The following PCDHGA2 variants were observed in gnomAD, a reference collection of about 807,000 sequenced individuals.
PCDHGA2 encodes the protein protocadherin gamma-A2.
PCDHGA2 carries 40 observed loss-of-function variants against 59.2 expected under a neutral mutation model. That is an observed-to-expected ratio of 0.68 (90% CI 0.52 to 0.88). The LOEUF (loss-of-function observed/expected upper bound fraction) is 0.88. Among genes scored for constraint, PCDHGA2 ranks in the 40% least tolerant of loss-of-function variants. The probability of loss-of-function intolerance (pLI) is 0.00; values close to 1 mark genes in which losing one functional copy is unlikely to be tolerated. For synonymous variants in PCDHGA2, 560 were observed against 526.0 expected, an observed-to-expected ratio of 1.06 and a Z score of -0.89; for missense variants, 1,226 against 1,204.0, an observed-to-expected ratio of 1.02 and a Z score of -0.27.
chr5:141,344,218 G>A (rs181165081), intron 1 of PCDHGA2: 2 of 1,614,034 alleles, frequency 1.2e-6, no homozygotes, highest in Non-Finnish European at 1.7e-6. Context: ...CTGGCGGAGC[G>A]CGGAGTCCGC....
intron 1 of PCDHGA2, chr5:141,345,270 G>C (rs760387404): frequency 6.2e-7 from 1 of 1,613,894 alleles, no homozygotes; most frequent in Non-Finnish European, 8.5e-7. Flanking sequence ...CCTGGACCGC[G>C]AACAAATATC....
intron 1 of PCDHGA2, among the ~76,000 whole-genome samples, chr5:141,406,034 A>T (rs1438349168): frequency 6.7e-6 from 1 of 149,160 alleles, no homozygotes; most frequent in Non-Finnish European, 1.5e-5. Flanking sequence ...GGGTTGCTTC[A>T]TTGGTTGCAG....
chr5:141,373,437 C>A (rs1769581564), intron 1 of PCDHGA2, among the ~76,000 whole-genome samples: 1 of 152,194 alleles, frequency 6.6e-6, no homozygotes. Flanking sequence ...GTGGGAGGAT[C>A]CCTTGATCCC....
At chr5:141,417,635 G>A in intron 1 of PCDHGA2, 1 of 724,902 alleles carries the variant, frequency 1.4e-6, no homozygotes, top group Non-Finnish European at 2.1e-6. Context: ...CTGACGCCGG[G>A]GATCCCTCAG....
chr5:141,365,651 A>C (rs774193854), intron 1 of PCDHGA2: 53 of 1,613,528 alleles, frequency 3.3e-5, no homozygotes, highest in Non-Finnish European at 4.3e-5. Flanking sequence ...CATCCCCTTG[A>C]AAGTAGCAGA....
intron 1 of PCDHGA2, chr5:141,398,793 A>C (rs376843278): frequency 6.2e-7 from 1 of 1,613,948 alleles, no homozygotes; most frequent in African/African-American, 1.3e-5. Context: ...ATCCACCCCT[A>C]AGCGGCACCA....
At position 141,343,271 on chromosome 5, in the gene PCDHGA2, A is replaced by G. The variant is rs1757274429; in HGVS notation, c.2424+1876A>G. Reference sequence around the variant, plus strand: ...AAACTAAGTTATCAGGTCACCAAGAACAAACTTAAAGAAATATAATGTATA... The same window carrying G: ...AAACTAAGTTATCAGGTCACCAAGAGCAAACTTAAAGAAATATAATGTATA... On this transcript the variant is annotated intron_variant, in intron 1 of 3. Transcript: ENST00000394576. 5.2e-6 allele frequency: 5 copies of G among 963,068 alleles called. No individual in the cohort carries two copies. The South Asian group carries it at 2.4e-4, about 46-fold the overall frequency. The allele number at this position is 963,068 out of a possible 1,614,324, so 59.7% of individuals were successfully genotyped here. A position where few individuals can be genotyped will look rare whatever the true frequency, so the allele number is the denominator to read the frequency against.
chr5:141,407,847 T>C (rs1236964962), intron 1 of PCDHGA2, among the ~76,000 whole-genome samples: 2 of 152,224 alleles, frequency 1.3e-5, no homozygotes, highest in African/African-American at 4.8e-5. Context: ...TTGAGGGGGA[T>C]GTACACCTGC....
chr5:141,344,971 T>C, intron 1 of PCDHGA2: 2 of 1,613,866 alleles, frequency 1.2e-6, no homozygotes, highest in Non-Finnish European at 1.7e-6. Context: ...GAGGATGCCA[T>C]GTTCTATGAA....
intron 1 of PCDHGA2, chr5:141,396,148 A>G (rs1589277067): frequency 6.6e-6 from 1 of 152,328 alleles, no homozygotes; most frequent in South Asian, 2.1e-4. Context: ...AAGCTGATCA[A>G]TTCAATTAAA....
chr5:141,474,093 C>G (rs2099341169), intron 1 of PCDHGA2, among the ~76,000 whole-genome samples: 1 of 152,098 alleles, frequency 6.6e-6, no homozygotes, highest in African/African-American at 2.4e-5. Flanking sequence ...AAAAAACAAA[C>G]AACAACAAAA....
At chr5:141,494,922 C>T (rs1401836511) in intron 2 of PCDHGA2, 57 bp downstream of exon 2, 23 of 1,613,670 alleles carry the variant, frequency 1.4e-5, no homozygotes, top group Non-Finnish European at 1.9e-5. Flanking sequence ...TCAGGGATGA[C>T]GTGGGAGGAG....
intron 1 of PCDHGA2, chr5:141,414,677 A>AG: frequency 1.9e-6 from 3 of 1,613,794 alleles, no homozygotes; most frequent in South Asian, 2.2e-5. Flanking sequence ...GACACCATCC[A>AG]GGGGGTACCT....
chr5:141,370,949 C>T (rs1317760178), intron 1 of PCDHGA2: 2 of 1,613,980 alleles, frequency 1.2e-6, no homozygotes, highest in Non-Finnish European at 8.5e-7. Flanking sequence ...AGAAGGAGAA[C>T]CTGGATGGCA....
At chr5:141,449,101 G>A (rs1020443363) in intron 1 of PCDHGA2, among the ~76,000 whole-genome samples, 2 of 152,144 alleles carry the variant, frequency 1.3e-5, no homozygotes, top group African/African-American at 2.4e-5. Flanking sequence ...TACATATGCA[G>A]TATATCTTTG....
At chr5:141,426,946 C>T (rs565370434) in intron 1 of PCDHGA2, 5 of 456,668 alleles carry the variant, frequency 1.1e-5, no homozygotes, top group Non-Finnish European at 2.2e-5. Context: ...CCAGTCCCAA[C>T]TGGCACTGCT....
rs1207647899 is a variant in PCDHGA2, at chr5:141,491,938, C to T, written c.2425-2869C>T. The T allele has an allele frequency of 1.6e-5, 19 of 1,199,190 alleles. No homozygotes were observed. Among genetic ancestry groups the T allele is most frequent in the Non-Finnish European group, 2.1e-5 (18 of 875,372 alleles). 74.3% of individuals were successfully genotyped at this position (1,199,190 alleles called of 1,614,324 possible). ...TGTGGGCGAGGGGAGGTGGGACCGA[C>T]CCCCACCCCTACACTCAAAAAAGGC... is the stretch of plus-strand genomic sequence containing the variant. On this transcript the variant is annotated intron_variant, in intron 1 of 3. Coordinates refer to ENST00000394576, the MANE Select transcript of PCDHGA2 (RefSeq NM_018915.4). This position sits in a 1 kb window ranked among gnomAD's most constrained non-coding sequence, Gnocchi z 6.9.
chr5:141,374,856 G>A, intron 1 of PCDHGA2: 1 of 1,613,686 alleles, frequency 6.2e-7, no homozygotes, highest in South Asian at 1.1e-5. Flanking sequence ...CTGCCAGTAG[G>A]CACACCAGTG....
chr5:141,446,757 G>A (rs769049265), intron 1 of PCDHGA2, among the ~76,000 whole-genome samples: 10 of 152,158 alleles, frequency 6.6e-5, no homozygotes, highest in African/African-American at 1.4e-4. Context: ...GTGAGCCACC[G>A]CGCCCAGCCG....
Sources: gnomAD v4.1 joint callset for allele counts (sites outside exome capture counted in the v4.1 genomes callset) on GRCh38, gnomAD v4.1.1 for gene constraint, Gnocchi (gnomAD v3.1) non-coding constraint, MANE v1.5 for transcripts, NCBI Gene and HGNC (gene_info 2026-07-23, HGNC 2026-07-21) for gene names.